SEMA3G: variants seen among roughly 807,000 people sequenced by gnomAD.
SEMA3G encodes semaphorin-3G.
SEMA3G carries 70 observed loss-of-function variants against 86.2 expected under a neutral mutation model. The observed-to-expected ratio is 0.81, with a 90% CI of 0.67 to 0.99. The LOEUF is 0.99. Ranked by LOEUF, SEMA3G falls within the 50% of genes least tolerant of loss-of-function variation. The probability of loss-of-function intolerance (pLI) is 0.00; values close to 1 mark genes in which losing one functional copy is unlikely to be tolerated. For missense variants in SEMA3G, 1,002 were observed against 1,072.4 expected (o/e 0.93, Z 0.92); for synonymous variants, 416 against 441.4 (o/e 0.94, Z 0.72).
rs1322798791 is a variant in SEMA3G, at chr3:52,440,748, GC to G, written c.998+5del. 2 of 1,610,560 alleles carry G rather than the reference GC, an allele frequency of 1.2e-6. No homozygotes were observed. Among genetic ancestry groups the G allele is most frequent in the Non-Finnish European group, 1.7e-6 (2 of 1,178,396 alleles). On this transcript the variant is annotated splice_donor_5th_base_variant and intron_variant, in intron 9 of 15. Coordinates refer to ENST00000231721, the MANE Select transcript of SEMA3G (RefSeq NM_020163.3). ...ATCGCAAGGCCGGGGTGCTGGGTGTGCCCACCTGACGGTGCTGAACAGCGCG... is the reference window on the plus strand; with the variant it reads ...ATCGCAAGGCCGGGGTGCTGGGTGTGCCACCTGACGGTGCTGAACAGCGCG...
At chr3:52,439,641 T>C in intron 12 of SEMA3G, 39 bp downstream of exon 12, 1 of 1,540,458 alleles carries the variant, frequency 6.5e-7, no homozygotes, top group Non-Finnish European at 9.0e-7. Flanking sequence ...GACCCAGAGA[T>C]GGGGCTTGGA....
In SEMA3G at chr3:52,440,485, G is replaced by T. The variant is rs953957981; in HGVS notation, c.1035C>A (p.His345Gln). ...TGAAAACCTCCCAGATGTCTGCCAT[G>T]TGGTACACACAGACGGCGAAGCCCT... is the stretch of plus-strand genomic sequence containing the variant. ...VFQGFAVCVYHMADIWEVFNG... is the reference protein window; with the variant it reads ...VFQGFAVCVYQMADIWEVFNG... Residue 345 changes from histidine (H) to glutamine (Q), a missense_variant, in exon 10 of 16, where the codon CAC (histidine) becomes CAA (glutamine). Transcript: ENST00000231721. The T allele has an allele frequency of 9.9e-6, 16 of 1,612,056 alleles. 1 individual carries two copies. In the African/African-American group the frequency reaches 1.5e-4, roughly 15 times the overall value.
rs1435881270 is a variant in SEMA3G, at chr3:52,442,924, G to A, written c.116-17C>T. The A allele has an allele frequency of 1.3e-6, 2 of 1,577,178 alleles. No individual in the cohort carries two copies. Among genetic ancestry groups the A allele is most frequent in the Admixed American group, 1.8e-5 (1 of 54,498 alleles). On this transcript the variant is annotated splice_polypyrimidine_tract_variant and intron_variant, in intron 1 of 15. Coordinates refer to ENST00000231721, the MANE Select transcript of SEMA3G (RefSeq NM_020163.3). This position sits in a 1 kb window ranked among gnomAD's most constrained non-coding sequence, Gnocchi z 6.1. ...ACAGGAGGTCTAGGAGGATGTATGG[G>A]GAGGCAGATCAGGGCCACAGCTCAG...
In SEMA3G at chr3:52,440,989, C is replaced by G. The variant is rs984164068; in HGVS notation, c.873G>C (p.Arg291Ser). 1.2e-6 allele frequency: 2 copies of G among 1,606,412 alleles called. No individual in the cohort carries two copies. Among genetic ancestry groups the G allele is most frequent in the Non-Finnish European group, 8.5e-7 (1 of 1,179,566 alleles). ...CAGGGCCGGGCACCGAGCAGACCAGCCTGGCCTTGAGGAAAGTGCTCCATT... is the reference window on the plus strand; with the variant it reads ...CAGGGCCGGGCACCGAGCAGACCAGGCTGGCCTTGAGGAAAGTGCTCCATT... ...VNKWSTFLKARLVCSVPGPGG... is the reference protein window; with the variant it reads ...VNKWSTFLKASLVCSVPGPGG... The change falls in exon 8 of 16, where the codon AGG (arginine) becomes AGC (serine). Residue 291 changes from arginine (R) to serine (S), a missense_variant. Arg to Ser is a moderately radical substitution (Grantham distance 110, BLOSUM62 -1). Coordinates refer to ENST00000231721, the MANE Select transcript of SEMA3G (RefSeq NM_020163.3).
chr3:52,439,307 C>T (rs1435882979), intron 12 of SEMA3G, among the ~76,000 whole-genome samples: 1 of 152,096 alleles, frequency 6.6e-6, no homozygotes, highest in East Asian at 1.9e-4. Context: ...CTTCCTGAGT[C>T]TCTAGAGGGG....
rs1388041666 is a variant in SEMA3G at position 52,441,997 on chromosome 3, C to A, written c.460-88G>T. ...CCCAAGCAGGAGCCCTCGCGTGCGGCCAGAGAGCGGGGGTGGGCGGAAGGC... is the reference window on the plus strand; with the variant it reads ...CCCAAGCAGGAGCCCTCGCGTGCGGACAGAGAGCGGGGGTGGGCGGAAGGC... On this transcript the variant is annotated intron_variant, in intron 4 of 15. Coordinates refer to ENST00000231721, the MANE Select transcript of SEMA3G (RefSeq NM_020163.3). 2.2e-6 allele frequency: 3 copies of A among 1,337,294 alleles called. No homozygotes were observed. The South Asian group carries it at 4.0e-5, about 18-fold the overall frequency. 82.8% of individuals were successfully genotyped at this position (1,337,294 alleles called of 1,614,324 possible). A position where few individuals can be genotyped will look rare whatever the true frequency, so the allele number is the denominator to read the frequency against.
chr3:52,437,514 T>C lies in SEMA3G; in HGVS notation c.1878+13A>G, dbSNP rs750964189. Reference sequence around the variant, plus strand: ...GACACACAGAGGCTAGAGGCAGGGGTCTCCTCACTCACCTGGTCAGGCCCC... The same window carrying C: ...GACACACAGAGGCTAGAGGCAGGGGCCTCCTCACTCACCTGGTCAGGCCCC... On this transcript the variant is annotated intron_variant, in intron 15 of 15. Transcript: ENST00000231721. 6.2e-7 allele frequency: 1 copy of C among 1,604,994 alleles called. No homozygotes were observed. The highest frequency in any genetic ancestry group is 8.5e-7 in the Non-Finnish European group (1 of 1,175,030).
chr3:52,435,754 C>A lies in SEMA3G; in HGVS notation c.2198G>T (p.Gly733Val), dbSNP rs1200711291. ...GAAGCAGCCTGAGCATTCCGTGGTG[C>A]CCCTGCACCACACGCGCTCACAGTA... ...DEYCERVWCR[G>V]TTECSGCFRS... Residue 733 changes from glycine to valine, a missense_variant, in exon 16 of 16, where the codon GGC (glycine) becomes GTC (valine). Coordinates refer to ENST00000231721, the MANE Select transcript of SEMA3G (RefSeq NM_020163.3). 1.2e-6 allele frequency: 2 copies of A among 1,614,122 alleles called. No homozygotes were observed. Among genetic ancestry groups the A allele is most frequent in the Admixed American group, 1.7e-5 (1 of 60,034 alleles).
intron 1 of SEMA3G, 55 bp downstream of exon 1, chr3:52,444,858 C>T (rs1180815266): frequency 5.6e-6 from 7 of 1,242,022 alleles, no homozygotes; most frequent in East Asian, 3.2e-5. Context: ...CCAAACAGAG[C>T]GCACACACAC....
At chr3:52,436,169 G>A (rs560280805) in intron 15 of SEMA3G, 96 bp from the exon 16 acceptor site, 12 of 1,467,400 alleles carry the variant, frequency 8.2e-6, no homozygotes, top group Non-Finnish European at 8.1e-6. Context: ...GGGGCCCAGT[G>A]CCTGGGCACT....
chr3:52,442,198 C>A lies in SEMA3G; in HGVS notation c.446G>T (p.Gly149Val). 6.2e-7 allele frequency: 1 copy of A among 1,613,148 alleles called. No homozygotes were observed. ...GCCCAGGCTCACCTCCCCACGGTGGCCAACTGTGATGAGGGCACAGGTGGG... is the reference window on the plus strand; with the variant it reads ...GCCCAGGCTCACCTCCCCACGGTGGACAACTGTGATGAGGGCACAGGTGGG... ...FQPTCALITV[G>V]HRGEHVLHLE... Residue 149 changes from glycine (G) to valine (V), a missense_variant, in exon 4 of 16, where the codon GGC (glycine) becomes GTC (valine). By Grantham distance (109) the Gly-to-Val change is moderately radical. Coordinates refer to ENST00000231721, the MANE Select transcript of SEMA3G (RefSeq NM_020163.3). The surrounding 1 kb of genome is among the most constrained non-coding windows in gnomAD (Gnocchi z 6.1).
Position 52,442,509 on chromosome 3 carries a change from G to A in SEMA3G, c.339+50C>T, listed in dbSNP as rs749891529. On this transcript the variant is annotated intron_variant, in intron 3 of 15. Transcript: ENST00000231721. The surrounding 1 kb of genome is among the most constrained non-coding windows in gnomAD (Gnocchi z 6.1). ...GGCGTGGTCACGGATTGTCCTGGGG[G>A]TCAGGGCAGGGTGTCAGGTCGGGGG... The A allele has an allele frequency of 6.3e-7, 1 of 1,596,842 alleles. No individual in the cohort carries two copies. Among genetic ancestry groups the A allele is most frequent in the Non-Finnish European group, 8.6e-7 (1 of 1,164,476 alleles).
At chr3:52,438,852 G>T in intron 13 of SEMA3G, 68 bp downstream of exon 13, 2 of 1,599,908 alleles carry the variant, frequency 1.3e-6, no homozygotes, top group Non-Finnish European at 8.5e-7. Flanking sequence ...GCGGAGCAGG[G>T]GCAGAGGAGG....
In SEMA3G at chr3:52,445,049, C is replaced by T; in HGVS notation, c.-22G>A. The T allele has an allele frequency of 7.9e-7, 1 of 1,263,426 alleles. No homozygotes were observed. Among genetic ancestry groups the T allele is most frequent in the Non-Finnish European group, 1.0e-6 (1 of 998,922 alleles). 78.3% of individuals were successfully genotyped at this position (1,263,426 alleles called of 1,614,324 possible). On this transcript the variant is annotated 5_prime_UTR_variant, in exon 1 of 16. Coordinates refer to ENST00000231721, the MANE Select transcript of SEMA3G (RefSeq NM_020163.3). Reference sequence around the variant, plus strand: ...CCATGCTGGGGAACTGAGGGCACCGCTGCCGCCTGCCTGCAGAGCCGCCCT... The same window carrying T: ...CCATGCTGGGGAACTGAGGGCACCGTTGCCGCCTGCCTGCAGAGCCGCCCT...
chr3:52,445,032 G>T lies in SEMA3G; in HGVS notation c.-5C>A. ...GGCCCAGGCCGAGGGGGCCATGCTG[G>T]GGAACTGAGGGCACCGCTGCCGCCT... On this transcript the variant is annotated 5_prime_UTR_variant, in exon 1 of 16. Transcript: ENST00000231721. The T allele has an allele frequency of 1.6e-6, 2 of 1,269,264 alleles. No individual in the cohort carries two copies. The highest frequency in any genetic ancestry group is 2.0e-6 in the Non-Finnish European group (2 of 1,001,634). The allele number at this position is 1,269,264 out of a possible 1,614,324, so 78.6% of individuals were successfully genotyped here.
rs747350597 is a variant in SEMA3G, at chr3:52,441,584, A to G, written c.657T>C (p.Ser219=). 1.2e-6 allele frequency: 2 copies of G among 1,613,032 alleles called. No individual in the cohort carries two copies. Among genetic ancestry groups the G allele is most frequent in the South Asian group, 2.2e-5 (2 of 91,074 alleles). Residue 219 remains serine, a synonymous_variant, in exon 6 of 16, where the codon AGT becomes AGC. Coordinates refer to ENST00000231721, the MANE Select transcript of SEMA3G (RefSeq NM_020163.3). ...AGGGGCAGGCCTCACCGTGCAAGAGACTCTGGTCAGAGTCGGAACGCAGAG... is the reference window on the plus strand; with the variant it reads ...AGGGGCAGGCCTCACCGTGCAAGAGGCTCTGGTCAGAGTCGGAACGCAGAG... ...RPALRSDSDQ[S]LLHDPRFVMA...
At chr3:52,441,185 C>A (rs1025552906) in intron 7 of SEMA3G, 79 bp downstream of exon 7, 20 of 1,553,472 alleles carry the variant, frequency 1.3e-5, no homozygotes, top group Non-Finnish European at 1.7e-5. Context: ...TACTGCTGGC[C>A]AGGGGTGGGG....
At position 52,440,388 on chromosome 3, in the gene SEMA3G, G is replaced by A. The variant is rs750262313; in HGVS notation, c.1132C>T (p.Arg378Cys). ...GPYGGKVPFPRPGVCPSKMTA... is the reference protein window; with the variant it reads ...GPYGGKVPFPCPGVCPSKMTA... ...CAGCAGATACTCACCACGCCAGGGC[G>A]AGGGAAGGGCACCTTGCCCCCATAG... Residue 378 changes from arginine to cysteine, a missense_variant, in exon 10 of 16, where the codon CGC (arginine) becomes TGC (cysteine). Transcript: ENST00000231721. 1.5e-5 allele frequency: 24 copies of A among 1,605,826 alleles called. No individual in the cohort carries two copies. Among genetic ancestry groups the A allele is most frequent in the African/African-American group, 8.0e-5 (6 of 74,690 alleles).
At position 52,441,183 on chromosome 3, in the gene SEMA3G, G is replaced by A. The variant is rs994033433; in HGVS notation, c.813+81C>T. ...CCTTGCCTCAGTTTCCCTACTGCTG[G>A]CCAGGGGTGGGGGGAGAAAGGTCTG... On this transcript the variant is annotated intron_variant, in intron 7 of 15. Transcript: ENST00000231721. The A allele has an allele frequency of 3.2e-6, 5 of 1,548,924 alleles. No individual in the cohort carries two copies. The South Asian group carries it at 6.1e-5, about 19-fold the overall frequency.
Sources: allele counts gnomAD v4.1 joint callset (sites outside exome capture counted in the v4.1 genomes callset), GRCh38; gene constraint gnomAD v4.1.1; non-coding constraint Gnocchi (gnomAD v3.1); transcripts MANE v1.5; gene names NCBI Gene and HGNC (gene_info 2026-07-23, HGNC 2026-07-21).